Variants in LSP1 observed in about 807,000 individuals in gnomAD.
LSP1 encodes the protein lymphocyte specific protein 1.
LSP1 carries 32 observed loss-of-function variants against 49.3 expected under a neutral mutation model. The observed-to-expected ratio is 0.65, with a 90% CI of 0.49 to 0.87. The LOEUF (loss-of-function observed/expected upper bound fraction) is 0.87. LSP1 is among the 40% of genes least tolerant of loss of function. The pLI is 0.00. For synonymous variants in LSP1, 179 were observed against 178.8 expected (o/e 1.00, Z -0.01); for missense variants, 428 against 442.6 (o/e 0.97, Z 0.30).
chr11:1,865,788 G>A lies in LSP1; in HGVS notation c.53+12591G>A, dbSNP rs189150907. Among the ~76,000 whole-genome samples, 10 of 151,882 alleles carry A rather than the reference G, an allele frequency of 6.6e-5. No homozygotes were observed. In the East Asian group the frequency reaches 1.2e-3, roughly 18 times the overall value. The stretch of plus-strand genomic sequence containing the variant: ...CTCTGGGTGGCTTCTGGGGCCTCCC[G>A]TGGGGTCCTTCGGATCCTGGGCACC... On this transcript the variant is annotated intron_variant, in intron 1 of 10. Coordinates refer to ENST00000311604, the MANE Select transcript of LSP1 (RefSeq NM_002339.3).
At chr11:1,889,155 C>T (rs1848876901) in intron 10 of LSP1, 2 of 665,302 alleles carry the variant, frequency 3.0e-6, no homozygotes, top group Admixed American at 2.3e-5. Flanking sequence ...TCACTGGAGC[C>T]TCCAGCCAGT....
chr11:1,884,124 C>A lies in LSP1; in HGVS notation c.591+100C>A. 1 of 1,465,462 alleles carries A rather than the reference C, an allele frequency of 6.8e-7. No homozygotes were observed. Among genetic ancestry groups the A allele is most frequent in the South Asian group, 1.2e-5 (1 of 85,092 alleles). The allele number at this position is 1,465,462 out of a possible 1,614,324, so 90.8% of individuals were successfully genotyped here. On this transcript the variant is annotated intron_variant, in intron 5 of 10. Coordinates refer to ENST00000311604, the MANE Select transcript of LSP1 (RefSeq NM_002339.3). This position sits in a 1 kb window ranked among gnomAD's most constrained non-coding sequence, Gnocchi z 4.1. ...AGCCACAGGAAGACCAGGCCCAGGC[C>A]TGGCTTTTGTCTGCTATCCCCCCAT...
chr11:1,884,558 G>T lies in LSP1; in HGVS notation c.694G>T (p.Glu232Ter). Residue 232 changes from glutamate to a stop codon, truncating the protein, a stop_gained, in exon 7 of 11, where the codon GAA (glutamate) becomes TAA (stop). Transcript: ENST00000311604. LOFTEE classifies it high-confidence loss of function. This position sits in a 1 kb window ranked among gnomAD's most constrained non-coding sequence, Gnocchi z 4.1. Reference sequence around the variant, plus strand: ...CATCTCCAAGATTGATCAGTGGCTGGAACAATACACCCAGGCCATCGAGGT... The same window carrying T: ...CATCTCCAAGATTGATCAGTGGCTGTAACAATACACCCAGGCCATCGAGGT... ...LPISKIDQWL[E>*]QYTQAIETAG... is the part of the protein sequence containing the mutation. The T allele has an allele frequency of 1.2e-6, 2 of 1,613,908 alleles. No homozygotes were observed. Among genetic ancestry groups the T allele is most frequent in the Non-Finnish European group, 1.7e-6 (2 of 1,179,916 alleles).
At chr11:1,864,312 G>A (rs999855559) in intron 1 of LSP1, 2 of 943,668 alleles carry the variant, frequency 2.1e-6, no homozygotes, top group African/African-American at 3.5e-5. Context: ...GGCCCGGGCA[G>A]GGCCTGGCAG....
intron 8 of LSP1, among the ~76,000 whole-genome samples, 175 bp downstream of exon 8, chr11:1,887,041 T>C (rs1848783641): frequency 6.6e-6 from 1 of 152,194 alleles, no homozygotes; most frequent in Non-Finnish European, 1.5e-5. Context: ...TAGAAGGCTG[T>C]GTTGTCCGAG....
At position 1,887,674 on chromosome 11, in the gene LSP1, G is replaced by A. The variant is rs1031964176; in HGVS notation, c.*13+98G>A. Reference sequence around the variant, plus strand: ...GAGGCTGCCTGGAGCCCTGTTGCAGGCTACAAGGGTGGACTCCGAGTTGGC... The same window carrying A: ...GAGGCTGCCTGGAGCCCTGTTGCAGACTACAAGGGTGGACTCCGAGTTGGC... On this transcript the variant is annotated intron_variant, in intron 10 of 10. Coordinates refer to ENST00000311604, the MANE Select transcript of LSP1 (RefSeq NM_002339.3). The A allele has an allele frequency of 9.0e-5, 83 of 923,604 alleles. No homozygotes were observed. In the African/African-American group the frequency reaches 1.1e-3, roughly 13 times the overall value. The allele number at this position is 923,604 out of a possible 1,614,324, so 57.2% of individuals were successfully genotyped here. A position where few individuals can be genotyped will look rare whatever the true frequency, so the allele number is the denominator to read the frequency against.
chr11:1,865,387 C>T, intron 1 of LSP1: 1 of 262,858 alleles, frequency 3.8e-6, no homozygotes, highest in Non-Finnish European at 5.9e-6. Context: ...CAAGCGTGGG[C>T]AGCGAGAGGG....
At chr11:1,857,354 G>A (rs533901374) in intron 1 of LSP1, among the ~76,000 whole-genome samples, 2 of 152,350 alleles carry the variant, frequency 1.3e-5, no homozygotes, top group African/African-American at 4.8e-5. Flanking sequence ...ACACCCTGGG[G>A]TGGCAGGATG....
chr11:1,884,142 C>G lies in LSP1; in HGVS notation c.591+118C>G. On this transcript the variant is annotated intron_variant, in intron 5 of 10. Coordinates refer to ENST00000311604, the MANE Select transcript of LSP1 (RefSeq NM_002339.3). The surrounding 1 kb of genome is among the most constrained non-coding windows in gnomAD (Gnocchi z 4.1). ...CCCAGGCCTGGCTTTTGTCTGCTAT[C>G]CCCCCATTGCCCGGTGCTCAGCGAA... 7.1e-7 allele frequency: 1 copy of G among 1,403,986 alleles called. No individual in the cohort carries two copies. The highest frequency in any genetic ancestry group is 1.0e-6 in the Non-Finnish European group (1 of 996,820). The allele number at this position is 1,403,986 out of a possible 1,614,324, so 87.0% of individuals were successfully genotyped here.
chr11:1,866,555 C>A (rs1589810617), intron 1 of LSP1: 2 of 1,544,974 alleles, frequency 1.3e-6, no homozygotes, highest in Non-Finnish European at 1.7e-6. Flanking sequence ...CTGCAGTGGG[C>A]CCCTGGCTGG....
At chr11:1,889,220 T>A (rs1474244921) in intron 10 of LSP1, 4 of 674,674 alleles carry the variant, frequency 5.9e-6, no homozygotes, top group South Asian at 4.8e-5. Context: ...TGGAGCGGAC[T>A]GTGGGAGGGG....
Position 1,884,176 on chromosome 11 carries a change from A to G in LSP1, c.592-104A>G. ...GCCCGGTGCTCAGCGAACCCCCATG[A>G]TATAAGGGTTGGGGGTTGGATTAGT... On this transcript the variant is annotated intron_variant, in intron 5 of 10. Transcript: ENST00000311604. This position sits in a 1 kb window ranked among gnomAD's most constrained non-coding sequence, Gnocchi z 4.1. 6 of 1,454,890 alleles carry G rather than the reference A, an allele frequency of 4.1e-6. No individual in the cohort carries two copies. The highest frequency in any genetic ancestry group is 5.8e-6 in the Non-Finnish European group (6 of 1,036,120). The allele number at this position is 1,454,890 out of a possible 1,614,324, so 90.1% of individuals were successfully genotyped here.
At chr11:1,863,095 C>T (rs756064475) in intron 1 of LSP1, among the ~76,000 whole-genome samples, 116 of 152,234 alleles carry the variant, frequency 7.6e-4, no homozygotes, top group Non-Finnish European at 1.2e-3. Flanking sequence ...GGAGTGGGGA[C>T]GGACTTCCTG....
chr11:1,865,715 C>T (rs1272723938), intron 1 of LSP1, among the ~76,000 whole-genome samples: 4 of 151,650 alleles, frequency 2.6e-5, no homozygotes, highest in African/African-American at 9.7e-5. Flanking sequence ...TCTCCCCGAG[C>T]CCCAGGGATT....
At chr11:1,871,133 C>T (rs552975195) in intron 1 of LSP1, 2 of 985,526 alleles carry the variant, frequency 2.0e-6, no homozygotes, top group East Asian at 1.1e-4. Flanking sequence ...GCTCGTGGCA[C>T]GGGCTCGGCA....
intron 1 of LSP1, among the ~76,000 whole-genome samples, chr11:1,861,262 T>C (rs866598920): frequency 3.9e-5 from 6 of 152,244 alleles, no homozygotes; most frequent in African/African-American, 9.6e-5. Context: ...CAGAACTCCA[T>C]ATGCCTTTAC....
intron 10 of LSP1, chr11:1,889,457 C>A (rs1191141284): frequency 1.6e-6 from 1 of 641,070 alleles, no homozygotes; most frequent in East Asian, 2.8e-5. Context: ...TGGGGGCAGG[C>A]ACCTCCTGCT....
intron 10 of LSP1, chr11:1,890,692 T>C (rs1848964837): frequency 1.6e-6 from 1 of 621,356 alleles, no homozygotes; most frequent in African/African-American, 1.8e-5. Flanking sequence ...GCCAGGGGTG[T>C]GGAGGCCTGA....
Position 1,880,188 on chromosome 11 carries a change from G to A in LSP1, c.155G>A (p.Gly52Asp). 6.2e-7 allele frequency: 1 copy of A among 1,603,382 alleles called. No homozygotes were observed. The highest frequency in any genetic ancestry group is 8.5e-7 in the Non-Finnish European group (1 of 1,173,998). ...RQLQAQDEEGGGHVPERPKQE... is the reference protein window; with the variant it reads ...RQLQAQDEEGDGHVPERPKQE... ...CTTCAGGCCCAGGACGAGGAGGGAG[G>A]CGGCCATGTCCCCGAGCGGCCGAAG... is the stretch of plus-strand genomic sequence containing the variant. The change falls in exon 2 of 11, where the codon GGC becomes GAC. Residue 52 changes from glycine to aspartate, a missense_variant. Physicochemically the swap from Gly to Asp is moderately conservative, Grantham distance 94. Transcript: ENST00000311604.
Sources: gnomAD v4.1 joint callset for allele counts (sites outside exome capture counted in the v4.1 genomes callset) on GRCh38, gnomAD v4.1.1 for gene constraint, Gnocchi (gnomAD v3.1) non-coding constraint, MANE v1.5 for transcripts, NCBI Gene and HGNC (gene_info 2026-07-23, HGNC 2026-07-21) for gene names.